The following LRRC63 variants were observed in gnomAD, a reference collection of about 807,000 sequenced individuals.
LRRC63 encodes leucine-rich repeat-containing protein 63.
A neutral mutation model predicts 49.5 loss-of-function variants in LRRC63; 40 were observed. The ratio of observed to expected loss-of-function variants is 0.81; its 90% CI spans 0.63 to 1.05. LRRC63 has a LOEUF of 1.05. LRRC63 is among the 50% of genes least tolerant of loss of function. The pLI, the probability that LRRC63 is intolerant of heterozygous loss-of-function variation, is 0.00. For synonymous variants in LRRC63, 191 were observed against 221.1 expected (o/e 0.86, Z 1.21); for missense variants, 636 against 663.1 (o/e 0.96, Z 0.45).
intron 2 of LRRC63, among the ~76,000 whole-genome samples, chr13:46,224,194 G>T (rs2046501388): frequency 6.6e-6 from 1 of 152,096 alleles, no homozygotes; most frequent in African/African-American, 2.4e-5. Context: ...CCAATAATTT[G>T]AATATTTGAT....
At chr13:46,217,180 A>G (rs1229175487) in intron 2 of LRRC63, among the ~76,000 whole-genome samples, 1 of 152,204 alleles carries the variant, frequency 6.6e-6, no homozygotes, top group Non-Finnish European at 1.5e-5. Flanking sequence ...TTTCAGAAGG[A>G]ATCATACCAG....
intron 4 of LRRC63, among the ~76,000 whole-genome samples, chr13:46,232,074 C>A (rs1049960503): frequency 2.4e-4 from 36 of 152,154 alleles, no homozygotes; most frequent in African/African-American, 6.8e-4. Context: ...CTCGGCCTCC[C>A]AAAGTGCTGG....
intron 5 of LRRC63, among the ~76,000 whole-genome samples, chr13:46,242,332 G>A (rs1244896310): frequency 6.6e-6 from 1 of 152,162 alleles, no homozygotes; most frequent in African/African-American, 2.4e-5. Flanking sequence ...AGGGTGGGAA[G>A]AGGGAGAGGA....
At chr13:46,252,261 C>G (rs1282935268) in intron 7 of LRRC63, among the ~76,000 whole-genome samples, 2 of 151,922 alleles carry the variant, frequency 1.3e-5, no homozygotes, top group Non-Finnish European at 2.9e-5. Flanking sequence ...CAGAAATCTA[C>G]CTTGCTGAGC....
chr13:46,254,882 ACTT>A (rs1048812270), intron 7 of LRRC63, among the ~76,000 whole-genome samples: 14 of 152,182 alleles, frequency 9.2e-5, no homozygotes, highest in African/African-American at 3.4e-4. Context: ...CCATAAAAAG[ACTT>A]CTTTGGGAAT....
intron 2 of LRRC63, among the ~76,000 whole-genome samples, chr13:46,225,097 A>T (rs1156241263): frequency 6.6e-6 from 1 of 152,138 alleles, no homozygotes; most frequent in African/African-American, 2.4e-5. Flanking sequence ...CGTCGCTGGG[A>T]AACAATTGTG....
chr13:46,217,667 C>T (rs1430378106), intron 2 of LRRC63, among the ~76,000 whole-genome samples: 1 of 152,126 alleles, frequency 6.6e-6, no homozygotes, highest in Non-Finnish European at 1.5e-5. Context: ...TTTGTTTGCT[C>T]TTGCTTCTCT....
Position 46,228,664 on chromosome 13 carries a change from G to A in LRRC63, c.764-1G>A, listed in dbSNP as rs2046649362. 1.3e-6 allele frequency: 2 copies of A among 1,532,112 alleles called. No individual in the cohort carries two copies. Among genetic ancestry groups the A allele is most frequent in the Admixed American group, 2.0e-5 (1 of 50,018 alleles). The allele number at this position is 1,532,112 out of a possible 1,614,324, so 94.9% of individuals were successfully genotyped here. Reference sequence around the variant, plus strand: ...ATCCCATTTGTTTTTCATTTTTCTAGAAACTCTTGTAACAGAAAATGGAAA... The same window carrying A: ...ATCCCATTTGTTTTTCATTTTTCTAAAAACTCTTGTAACAGAAAATGGAAA... On this transcript the variant is annotated splice_acceptor_variant, in intron 3 of 9. Transcript: ENST00000595396. LOFTEE classifies it high-confidence loss of function.
chr13:46,212,965 C>T (rs756802186), intron 1 of LRRC63, 37 bp from the exon 2 acceptor site: 58 of 1,021,318 alleles, frequency 5.7e-5, no homozygotes, highest in Admixed American at 3.1e-4. Flanking sequence ...ACAATTCAAA[C>T]ATATTCAAAA....
rs560589954 is a variant in LRRC63, at chr13:46,254,815, A to T, written c.1226+4324A>T. Among the ~76,000 whole-genome samples the T allele has an allele frequency of 2.3e-4, 35 of 152,254 alleles. No individual in the cohort carries two copies. In the South Asian group the frequency reaches 5.4e-3, roughly 23 times the overall value. On this transcript the variant is annotated intron_variant, in intron 7 of 9. Coordinates refer to ENST00000595396, the Ensembl canonical transcript of LRRC63. Reference sequence around the variant, plus strand: ...GTGACACGAATCTGCATTTCTGCTGATTATCTTCAGTAGCTCAGTCATTCA... The same window carrying T: ...GTGACACGAATCTGCATTTCTGCTGTTTATCTTCAGTAGCTCAGTCATTCA...
At chr13:46,228,568 T>C in intron 3 of LRRC63, 97 bp from the exon 4 acceptor site, 1 of 719,352 alleles carries the variant, frequency 1.4e-6, no homozygotes, top group South Asian at 1.8e-5. Flanking sequence ...ATAATTGGAA[T>C]CCATTAAATG....
chr13:46,271,247 T>G (rs781530562), intron 9 of LRRC63, among the ~76,000 whole-genome samples: 2 of 152,212 alleles, frequency 1.3e-5, no homozygotes, highest in Non-Finnish European at 2.9e-5. Context: ...AACCTACTTC[T>G]GTTTGAACAT....
exon 8 of LRRC63, chr13:46,261,945 T>C: frequency 8.5e-7 from 1 of 1,177,804 alleles, no homozygotes; most frequent in Non-Finnish European, 1.1e-6. Flanking sequence ...AACTTGATGT[T>C]TCCTATAATG....
At chr13:46,245,627 AT>A (rs2047192920) in intron 5 of LRRC63, among the ~76,000 whole-genome samples, 1 of 152,164 alleles carries the variant, frequency 6.6e-6, no homozygotes, top group Non-Finnish European at 1.5e-5. Flanking sequence ...CAACACACTA[AT>A]TAAAAAATAG....
chr13:46,274,406 A>G (rs969537295), intron 9 of LRRC63, among the ~76,000 whole-genome samples: 1 of 152,182 alleles, frequency 6.6e-6, no homozygotes, highest in African/African-American at 2.4e-5. Flanking sequence ...AAATTTCGGT[A>G]CTGTCCTACT....
rs1024847918 is a variant in LRRC63, at chr13:46,232,000, A to G, written c.833-2192A>G. Among the ~76,000 whole-genome samples the G allele has an allele frequency of 4.4e-4, 66 of 151,630 alleles. 1 individual carries two copies. Among genetic ancestry groups the G allele is most frequent in the Admixed American group, 4.3e-3 (66 of 15,220 alleles). ...CCAGCTAATTTTTTGTATTTTTAGT[A>G]GAGACGGGGTTTCACCGTGTTAGCT... On this transcript the variant is annotated intron_variant, in intron 4 of 9. Transcript: ENST00000595396.
At chr13:46,255,645 A>AAAAAAAAAAAAAAAAAATAT (rs1555328641) in intron 7 of LRRC63, among the ~76,000 whole-genome samples, 60 of 129,438 alleles carry the variant, frequency 4.6e-4, no homozygotes, top group African/African-American at 1.6e-3. Context: ...CCCTGCCTCA[A>AAAAAAAAAAAAAAAAAATAT]ATATATATAT....
Position 46,276,655 on chromosome 13 carries a change from G to C in LRRC63, c.1616G>C (p.Cys539Ser), listed in dbSNP as rs9888467. 987 of 1,231,210 alleles carry C rather than the reference G, an allele frequency of 8.0e-4. 8 individuals carry two copies. In the African/African-American group the frequency reaches 0.014, roughly 18 times the overall value. 76.3% of individuals were successfully genotyped at this position (1,231,210 alleles called of 1,614,324 possible). Residue 539 changes from cysteine (C) to serine (S), a missense_variant, in exon 10 of 10, where the codon TGT becomes TCT. Coordinates refer to ENST00000595396, the Ensembl canonical transcript of LRRC63. ...GAAGGTTTTCGTGTCATCCGATCCTGTGATATTTTTGGAGCATCACAGCTT... is the reference window on the plus strand; with the variant it reads ...GAAGGTTTTCGTGTCATCCGATCCTCTGATATTTTTGGAGCATCACAGCTT...
At chr13:46,242,570 C>G (rs1429711797) in intron 5 of LRRC63, among the ~76,000 whole-genome samples, 1 of 152,028 alleles carries the variant, frequency 6.6e-6, no homozygotes, top group African/African-American at 2.4e-5. Context: ...ACAGGAAATT[C>G]AAAGGTCACC....
Sources: gnomAD v4.1 joint callset for allele counts (sites outside exome capture counted in the v4.1 genomes callset) on GRCh38, gnomAD v4.1.1 for gene constraint, MANE v1.5 for transcripts, NCBI Gene and HGNC (gene_info 2026-07-23, HGNC 2026-07-21) for gene names.